The following CPAP variants were observed in gnomAD, a reference collection of about 807,000 sequenced individuals.
CPAP encodes centrosomal P4.1-associated protein.
the CPAP span, among the ~76,000 whole-genome samples, chr13:24,892,115 T>C: frequency 6.6e-6 from 1 of 152,222 alleles, no homozygotes; most frequent in Non-Finnish European, 1.5e-5. Flanking sequence ...AGGAATTTTG[T>C]CTGTTTATTG....
At chr13:24,891,006 C>A in the CPAP span, among the ~76,000 whole-genome samples, 3 of 151,906 alleles carry the variant, frequency 2.0e-5, no homozygotes, top group Admixed American at 6.6e-5. Context: ...ACCCTCATGT[C>A]CTTAATTTAC....
At chr13:24,927,955 G>A in the CPAP span, among the ~76,000 whole-genome samples, 22 of 152,292 alleles carry the variant, frequency 1.4e-4, no homozygotes, top group African/African-American at 3.8e-4. Context: ...AGGTTAAATC[G>A]AATACTAACA....
the CPAP span, among the ~76,000 whole-genome samples, chr13:24,886,977 T>G: frequency 2.2e-4 from 34 of 152,092 alleles, no homozygotes; most frequent in African/African-American, 6.8e-4. Context: ...AGGCTCCAGG[T>G]GCAAGCACAC....
At chr13:24,893,454 C>T in the CPAP span, among the ~76,000 whole-genome samples, 7 of 152,224 alleles carry the variant, frequency 4.6e-5, no homozygotes, top group Non-Finnish European at 1.0e-4. Context: ...AGCAGGGCAC[C>T]GAAGCCCATC....
chr13:24,893,772 T>C, the CPAP span, among the ~76,000 whole-genome samples: 125,744 of 152,240 alleles, frequency 0.83, 52,112 homozygotes, highest in South Asian at 0.89. Context: ...ATGAAAATGG[T>C]AAAATACAAG....
chr13:24,919,879 T>G, the CPAP span, among the ~76,000 whole-genome samples: 1 of 152,206 alleles, frequency 6.6e-6, no homozygotes, highest in Non-Finnish European at 1.5e-5. Context: ...TCCTCCCATC[T>G]CAGCCTCCAG....
At chr13:24,922,025 T>C in the CPAP span, among the ~76,000 whole-genome samples, 1 of 152,180 alleles carries the variant, frequency 6.6e-6, no homozygotes, top group Non-Finnish European at 1.5e-5. Context: ...TTTACAGATA[T>C]CAAAATCTGA....
the CPAP span, among the ~76,000 whole-genome samples, chr13:24,897,475 A>T: frequency 2.6e-5 from 4 of 152,204 alleles, no homozygotes; most frequent in African/African-American, 4.8e-5. Context: ...CTGAATGAAT[A>T]AGTGGGAGAA....
the CPAP span, among the ~76,000 whole-genome samples, chr13:24,930,865 T>C: frequency 6.6e-6 from 1 of 152,238 alleles, no homozygotes; most frequent in Non-Finnish European, 1.5e-5. Context: ...CAGTTCTGTT[T>C]TCAGCTCTTT....
the CPAP span, among the ~76,000 whole-genome samples, chr13:24,928,819 T>C: frequency 6.6e-6 from 1 of 152,186 alleles, no homozygotes. Flanking sequence ...TGCTGGTGTA[T>C]TGGACTTACA....
chr13:24,887,197 G>T, the CPAP span, among the ~76,000 whole-genome samples: 2 of 152,154 alleles, frequency 1.3e-5, no homozygotes, highest in Non-Finnish European at 2.9e-5. Context: ...TTCATCAAAA[G>T]ATACTATAAA....
At chr13:24,895,366 G>C in the CPAP span, among the ~76,000 whole-genome samples, 2 of 152,186 alleles carry the variant, frequency 1.3e-5, no homozygotes, top group Non-Finnish European at 2.9e-5. Flanking sequence ...ACAAGGTCAG[G>C]AGATCAAGAC....
the CPAP span, chr13:24,904,124 C>T: frequency 1.9e-6 from 3 of 1,560,580 alleles, no homozygotes; most frequent in Non-Finnish European, 8.8e-7. Flanking sequence ...CACTAGCTAG[C>T]TAGTAACACT....
At chr13:24,888,160 T>C in the CPAP span, among the ~76,000 whole-genome samples, 1 of 152,042 alleles carries the variant, frequency 6.6e-6, no homozygotes, top group East Asian at 1.9e-4. Flanking sequence ...AAGAAAATGG[T>C]GTACTTGTGG....
chr13:24,905,543 C>T, the CPAP span: 2 of 1,614,148 alleles, frequency 1.2e-6, no homozygotes, highest in Non-Finnish European at 1.7e-6. Flanking sequence ...GTCCAGGATA[C>T]CTATTTCATT....
chr13:24,921,275 C>T, the CPAP span, among the ~76,000 whole-genome samples: 1 of 152,200 alleles, frequency 6.6e-6, no homozygotes, highest in Non-Finnish European at 1.5e-5. Flanking sequence ...GCTGCCTCCC[C>T]AGAACCTTAG....
chr13:24,918,915 A>G, the CPAP span, among the ~76,000 whole-genome samples: 3 of 152,156 alleles, frequency 2.0e-5, no homozygotes, highest in Non-Finnish European at 4.4e-5. Flanking sequence ...AGTCAACTGT[A>G]ATTAGTCACC....
At chr13:24,883,927 C>T in the CPAP span, 119 of 1,613,738 alleles carry the variant, frequency 7.4e-5, 1 homozygote, top group East Asian at 1.9e-3. Flanking sequence ...AGGTGTCACA[C>T]TGAGTGGTTT....
chr13:24,910,023 C>A, the CPAP span: 1 of 1,613,836 alleles, frequency 6.2e-7, no homozygotes, highest in Admixed American at 1.7e-5. Context: ...GGCTCTCTCT[C>A]CAGTGGTGGT....
Sources: allele counts gnomAD v4.1 joint callset (sites outside exome capture counted in the v4.1 genomes callset), GRCh38; gene constraint gnomAD v4.1.1; transcripts MANE v1.5; gene names NCBI Gene and HGNC (gene_info 2026-07-23, HGNC 2026-07-21).